MAPRE2: variants seen among roughly 807,000 people sequenced by gnomAD.
MAPRE2 encodes the protein microtubule associated protein RP/EB family member 2.
Under a neutral mutation model 43.2 loss-of-function variants are expected in MAPRE2, and 13 were observed. The ratio of observed to expected loss-of-function variants is 0.30; its 90% confidence interval spans 0.20 to 0.48. The LOEUF (loss-of-function observed/expected upper bound fraction) is 0.48. Ranked by LOEUF, MAPRE2 falls within the 20% of genes least tolerant of loss-of-function variation. The pLI is 0.99. For missense variants in MAPRE2, 161 were observed against 400.2 expected, an observed-to-expected ratio of 0.40 and a Z score of 5.10; for synonymous variants, 135 against 148.8, an observed-to-expected ratio of 0.91 and a Z score of 0.68.
chr18:35,040,207 A>T (rs367668906), upstream of MAPRE2, among the ~76,000 whole-genome samples: 2 of 152,310 alleles, frequency 1.3e-5, no homozygotes, highest in African/African-American at 4.8e-5. Context: ...TGCCTCTAAA[A>T]AATAATAATA....
chr18:35,041,325 C>T (rs1005740647), upstream of MAPRE2: 30 of 1,426,172 alleles, frequency 2.1e-5, no homozygotes, highest in African/African-American at 2.9e-4. Context: ...AACAGGCTGG[C>T]CACGTGACCA....
intron 1 of MAPRE2, among the ~76,000 whole-genome samples, chr18:34,981,948 C>G (rs1255048957): frequency 6.7e-6 from 1 of 149,216 alleles, no homozygotes; most frequent in Non-Finnish European, 1.5e-5. Flanking sequence ...GCAGTGGCGC[C>G]ATCTCGGCTC....
At chr18:35,043,171 TCTC>T (rs1905452490) in intron 1 of MAPRE2, among the ~76,000 whole-genome samples, 1 of 152,174 alleles carries the variant, frequency 6.6e-6, no homozygotes, top group Admixed American at 6.5e-5. Context: ...TTGGGCCTCT[TCTC>T]CTCTTACTCC....
chr18:34,984,859 AAATATATAATATATTTTATGTTATAT>A lies in MAPRE2; in HGVS notation c.-70+7842_-70+7867del, dbSNP rs1555909422. Among the ~76,000 whole-genome samples the A allele has an allele frequency of 2.4e-3, 220 of 92,560 alleles. 23 individuals are homozygous for A. The highest frequency in any genetic ancestry group is 2.7e-3 in the Non-Finnish European group (133 of 48,798). 60.7% of individuals were successfully genotyped at this position (92,560 alleles called of 152,430 possible). A position where few individuals can be genotyped will look rare whatever the true frequency, so the allele number is the denominator to read the frequency against. On this transcript the variant is annotated intron_variant, in intron 1 of 7. Transcript: ENST00000413393. ...TATTTTATATGTTATATAACATATA[AAATATATAATATATTTTATGTTATAT>A]AATATATAATATATTTTATGTTATA...
chr18:35,130,156 G>C (rs530044441), intron 5 of MAPRE2, among the ~76,000 whole-genome samples: 6 of 151,996 alleles, frequency 3.9e-5, no homozygotes, highest in Non-Finnish European at 7.4e-5. Context: ...GGGCTGGGGG[G>C]GGGTGGCACA....
chr18:35,044,239 T>G (rs188430537), intron 1 of MAPRE2, among the ~76,000 whole-genome samples: 1 of 152,216 alleles, frequency 6.6e-6, no homozygotes, highest in Non-Finnish European at 1.5e-5. Flanking sequence ...TCTTTTCTTT[T>G]CTTTTTTTGC....
At chr18:35,010,594 T>C (rs1395930288) in intron 2 of MAPRE2, among the ~76,000 whole-genome samples, 1 of 152,238 alleles carries the variant, frequency 6.6e-6, no homozygotes, top group Non-Finnish European at 1.5e-5. Flanking sequence ...ATTCATCAAG[T>C]TGCCTTATAA....
intron 1 of MAPRE2, among the ~76,000 whole-genome samples, chr18:35,043,985 G>A (rs900250827): frequency 6.6e-6 from 1 of 152,124 alleles, no homozygotes; most frequent in African/African-American, 2.4e-5. Context: ...TAATTGCTGA[G>A]GAAACTTGGA....
At chr18:35,095,871 T>C (rs941812025) in intron 2 of MAPRE2, among the ~76,000 whole-genome samples, 1 of 152,146 alleles carries the variant, frequency 6.6e-6, no homozygotes, top group African/African-American at 2.4e-5. Flanking sequence ...TTGTTTTATT[T>C]TGTCTTCTCT....
At position 35,141,774 on chromosome 18, in the gene MAPRE2, G is replaced by GCAA. The variant is rs1423925536; in HGVS notation, c.*1409_*1411dup. Reference sequence around the variant, plus strand: ...TCACTTGTTATTTGACTTAGCAGGTGCAACAAAAACAAGAAACAAATGTGC... The same window carrying GCAA: ...TCACTTGTTATTTGACTTAGCAGGTGCAACAACAAAAACAAGAAACAAATGTGC... On this transcript the variant is annotated 3_prime_UTR_variant, in exon 7 of 7. Transcript: ENST00000300249. 1 of 151,966 alleles carries GCAA rather than the reference G, an allele frequency of 6.6e-6. No homozygotes were observed. Among genetic ancestry groups the GCAA allele is most frequent in the African/African-American group, 2.4e-5 (1 of 41,350 alleles). The allele number at this position is 151,966 out of a possible 1,614,324, so 9.4% of individuals were successfully genotyped here.
chr18:35,001,716 GT>G (rs1047424227), intron 1 of MAPRE2, among the ~76,000 whole-genome samples: 11 of 149,884 alleles, frequency 7.3e-5, no homozygotes, highest in South Asian at 2.1e-4. Context: ...TAGTGGGTGA[GT>G]TTTTTTTTTC....
intron 2 of MAPRE2, among the ~76,000 whole-genome samples, chr18:35,096,264 C>T (rs1908411589): frequency 6.6e-6 from 1 of 152,146 alleles, no homozygotes; most frequent in Non-Finnish European, 1.5e-5. Flanking sequence ...ATGAGCACAT[C>T]ATAGAGAGAG....
intron 1 of MAPRE2, among the ~76,000 whole-genome samples, chr18:34,977,351 T>C (rs955462516): frequency 6.6e-6 from 1 of 151,982 alleles, no homozygotes; most frequent in African/African-American, 2.4e-5. Context: ...CCCAGGAAAG[T>C]GGAGGGAGGG....
At chr18:35,134,133 A>G (rs1257984025) in intron 6 of MAPRE2, among the ~76,000 whole-genome samples, 2 of 152,238 alleles carry the variant, frequency 1.3e-5, no homozygotes, top group African/African-American at 4.8e-5. Flanking sequence ...ATTAGCTCCT[A>G]TAATTCTCTA....
chr18:35,102,818 T>G (rs2144182330), intron 4 of MAPRE2, among the ~76,000 whole-genome samples: 1 of 152,296 alleles, frequency 6.6e-6, no homozygotes, highest in East Asian at 1.9e-4. Flanking sequence ...GCAGAATGTG[T>G]TCTTATAAAA....
At chr18:34,998,576 C>G (rs1167739997) in intron 1 of MAPRE2, among the ~76,000 whole-genome samples, 1 of 151,784 alleles carries the variant, frequency 6.6e-6, no homozygotes, top group African/African-American at 2.4e-5. Context: ...ATCTGCCCGC[C>G]TCGGCCTCCC....
chr18:35,117,307 G>A (rs1028586002), intron 4 of MAPRE2, among the ~76,000 whole-genome samples: 2 of 152,186 alleles, frequency 1.3e-5, no homozygotes, highest in East Asian at 1.9e-4. Context: ...GCCTCAGACC[G>A]TGTCTCTCTT....
At chr18:34,999,171 T>C (rs901306099) in intron 1 of MAPRE2, among the ~76,000 whole-genome samples, 4 of 152,216 alleles carry the variant, frequency 2.6e-5, no homozygotes, top group African/African-American at 9.6e-5. Context: ...ATTTCATTAT[T>C]AATTGCACAC....
chr18:34,980,785 C>T (rs2097015837), intron 1 of MAPRE2, among the ~76,000 whole-genome samples: 1 of 152,154 alleles, frequency 6.6e-6, no homozygotes. Context: ...TCACTCTCTA[C>T]CCATTATTAT....
Sources: allele counts gnomAD v4.1 joint callset (sites outside exome capture counted in the v4.1 genomes callset), GRCh38; gene constraint gnomAD v4.1.1; transcripts MANE v1.5; gene names NCBI Gene and HGNC (gene_info 2026-07-23, HGNC 2026-07-21).